SMARCD1: variants seen among roughly 807,000 people sequenced by gnomAD.
The protein encoded by SMARCD1 is SWI/SNF-related matrix-associated actin-dependent regulator of chromatin subfamily D member 1.
In SMARCD1, 16 loss-of-function variants were observed where a neutral mutation model predicts 70.8. That is an observed-to-expected ratio of 0.23 (90% CI 0.15 to 0.34). The LOEUF (loss-of-function observed/expected upper bound fraction) is 0.34. SMARCD1 is among the 10% of genes least tolerant of loss of function. SMARCD1 has a pLI of 1.00. For synonymous variants in SMARCD1, 249 were observed against 246.0 expected (o/e 1.01, Z -0.11); for missense variants, 409 against 655.5 (o/e 0.62, Z 4.11).
At chr12:50,087,019 A>C in intron 4 of SMARCD1, 141 bp downstream of exon 4, 1 of 859,964 alleles carries the variant, frequency 1.2e-6, no homozygotes, top group South Asian at 1.7e-5. Context: ...ACAAACTGAG[A>C]ATTACATTAG....
At position 50,099,042 on chromosome 12, in the gene SMARCD1, T is replaced by G. The variant is rs1243785607; in HGVS notation, c.*42T>G. The G allele has an allele frequency of 3.8e-6, 6 of 1,590,914 alleles. No individual in the cohort carries two copies. The highest frequency in any genetic ancestry group is 5.2e-6 in the Non-Finnish European group (6 of 1,159,168). On this transcript the variant is annotated 3_prime_UTR_variant, in exon 13 of 13. Coordinates refer to ENST00000394963, the MANE Select transcript of SMARCD1 (RefSeq NM_003076.5). Reference sequence around the variant, plus strand: ...CTGATTCGACTGCACCAATTCTTGATTTGGGCCCTGTGCTGCCTGCCTCAT... The same window carrying G: ...CTGATTCGACTGCACCAATTCTTGAGTTGGGCCCTGTGCTGCCTGCCTCAT...
At position 50,096,837 on chromosome 12, in the gene SMARCD1, T is replaced by G. The variant is rs1950897361; in HGVS notation, c.1270-13T>G. On this transcript the variant is annotated splice_polypyrimidine_tract_variant and intron_variant, in intron 10 of 12. Coordinates refer to ENST00000394963, the MANE Select transcript of SMARCD1 (RefSeq NM_003076.5). ...TAGTTTGAAAATGGTATGAGCTTCG[T>G]TCTTCCTTTCAGATCCATGAGACAA... 6.3e-7 allele frequency: 1 copy of G among 1,598,018 alleles called. No individual in the cohort carries two copies. Among genetic ancestry groups the G allele is most frequent in the Admixed American group, 1.7e-5 (1 of 58,438 alleles).
intron 10 of SMARCD1, among the ~76,000 whole-genome samples, chr12:50,095,751 G>A (rs756733387): frequency 6.6e-6 from 1 of 152,202 alleles, no homozygotes; most frequent in Non-Finnish European, 1.5e-5. Context: ...GTCCAGAGAA[G>A]AGAGAGAGAG....
At chr12:50,092,368 C>A (rs549993692) in intron 9 of SMARCD1, among the ~76,000 whole-genome samples, 2 of 149,574 alleles carry the variant, frequency 1.3e-5, no homozygotes, top group African/African-American at 4.9e-5. Flanking sequence ...GGATTACAGG[C>A]GCATGCCACC....
intron 5 of SMARCD1, among the ~76,000 whole-genome samples, chr12:50,087,819 G>A (rs1950805155): frequency 1.3e-5 from 2 of 151,734 alleles, no homozygotes. Flanking sequence ...TTGAGGCTGT[G>A]TTTCCTCTCT....
At chr12:50,091,391 G>A (rs769010659) in intron 9 of SMARCD1, among the ~76,000 whole-genome samples, 1 of 150,976 alleles carries the variant, frequency 6.6e-6, no homozygotes, top group African/African-American at 2.4e-5. Context: ...TTCTCCTGCC[G>A]TAGCCTCCCA....
chr12:50,085,949 T>A (rs577750634), intron 1 of SMARCD1: 1 of 413,416 alleles, frequency 2.4e-6, no homozygotes, highest in East Asian at 3.5e-5. Flanking sequence ...CAAAATAGAC[T>A]GAGAATTTGA....
intron 11 of SMARCD1, 56 bp downstream of exon 11, chr12:50,097,028 T>G: frequency 6.6e-7 from 1 of 1,507,962 alleles, no homozygotes; most frequent in Non-Finnish European, 8.9e-7. Flanking sequence ...GCACAGCTGC[T>G]TTATTCATGT....
chr12:50,094,718 CAAATG>C, intron 10 of SMARCD1, 146 bp downstream of exon 10: 3 of 720,712 alleles, frequency 4.2e-6, no homozygotes, highest in Non-Finnish European at 6.9e-6. Context: ...GAGCCAGACT[CAAATG>C]AATTCTGATT....
intron 1 of SMARCD1, 52 bp downstream of exon 1, chr12:50,085,598 G>A: frequency 9.8e-7 from 1 of 1,021,360 alleles, no homozygotes; most frequent in Non-Finnish European, 1.2e-6. Context: ...GCCGAGCGGG[G>A]ACATGGGAGT....
At chr12:50,098,853 G>A (rs1950915298) in intron 12 of SMARCD1, 38 bp downstream of exon 12, 2 of 1,606,168 alleles carry the variant, frequency 1.2e-6, no homozygotes, top group Non-Finnish European at 1.7e-6. Context: ...TTGACAAAAG[G>A]CACGGGGTTT....
At chr12:50,087,598 G>C in intron 5 of SMARCD1, 113 bp downstream of exon 5, 1 of 1,251,282 alleles carries the variant, frequency 8.0e-7, no homozygotes, top group Non-Finnish European at 1.1e-6. Flanking sequence ...TTTGGGAGCA[G>C]TAAGGAGAGG....
In SMARCD1 at chr12:50,087,397, C is replaced by G. The variant is rs762741274; in HGVS notation, c.566C>G (p.Thr189Ser). The change falls in exon 5 of 13, where the codon ACT becomes AGT. Residue 189 changes from threonine (T) to serine (S), a missense_variant. Around this residue, in one of 2 missense-constraint regions of SMARCD1, gnomAD observed 269 missense variants for 498.6 expected, o/e 0.54. Coordinates refer to ENST00000394963, the MANE Select transcript of SMARCD1 (RefSeq NM_003076.5). ...KRKLRIFISN[T>S]FNPAKSDAED... ...AAGCTGCGAATTTTCATTTCTAACA[C>G]TTTCAATCCGGCTAAGTCAGATGCC... 7 of 1,614,038 alleles carry G rather than the reference C, an allele frequency of 4.3e-6. No homozygotes were observed. The African/African-American group carries it at 8.0e-5, about 18-fold the overall frequency.
chr12:50,088,192 A>G (rs770929853), intron 5 of SMARCD1: 5 of 690,170 alleles, frequency 7.2e-6, no homozygotes, highest in South Asian at 6.0e-5. Context: ...CCTGTGATTC[A>G]TTTCCCCTCT....
At position 50,096,935 on chromosome 12, in the gene SMARCD1, T is replaced by G; in HGVS notation, c.1355T>G (p.Ile452Ser). ...TTTGCCAGAGACCCTCAGGGTTTCA[T>G]CAATGACTGGCTTCAGTCCCAGTGC... ...LSFARDPQGF[I>S]NDWLQSQCRD... Residue 452 changes from isoleucine to serine, a missense_variant, in exon 11 of 13, where the codon ATC becomes AGC. This residue lies in a region of SMARCD1 where 269 missense variants were observed against 498.6 expected (regional missense o/e 0.54). Transcript: ENST00000394963. The G allele has an allele frequency of 6.2e-7, 1 of 1,614,076 alleles. No individual in the cohort carries two copies. Among genetic ancestry groups the G allele is most frequent in the Non-Finnish European group, 8.5e-7 (1 of 1,179,950 alleles).
chr12:50,097,167 T>C (rs1950899708), intron 11 of SMARCD1, among the ~76,000 whole-genome samples, 195 bp downstream of exon 11: 1 of 152,208 alleles, frequency 6.6e-6, no homozygotes, highest in Non-Finnish European at 1.5e-5. Flanking sequence ...AGTGCTTACT[T>C]TGTCTGTCAC....
At position 50,087,013 on chromosome 12, in the gene SMARCD1, A is replaced by C. The variant is rs865991583; in HGVS notation, c.531+135A>C. Reference sequence around the variant, plus strand: ...TTGCATCTCTCCCTTCCGCCTACAAACTGAGAATTACATTAGGAGGATAAG... The same window carrying C: ...TTGCATCTCTCCCTTCCGCCTACAACCTGAGAATTACATTAGGAGGATAAG... On this transcript the variant is annotated intron_variant, in intron 4 of 12. Coordinates refer to ENST00000394963, the MANE Select transcript of SMARCD1 (RefSeq NM_003076.5). The C allele has an allele frequency of 7.1e-5, 63 of 881,360 alleles. 1 individual carries two copies. The South Asian group carries it at 9.7e-4, about 14-fold the overall frequency. 54.6% of individuals were successfully genotyped at this position (881,360 alleles called of 1,614,324 possible).
At chr12:50,089,835 C>T (rs767891173) in intron 6 of SMARCD1, 49 bp from the exon 7 acceptor site, 57 of 1,349,634 alleles carry the variant, frequency 4.2e-5, no homozygotes, top group Non-Finnish European at 5.8e-5. Flanking sequence ...TCCCTCCCAC[C>T]CCAGCTCTTC....
intron 5 of SMARCD1, chr12:50,088,168 C>G: frequency 4.4e-6 from 3 of 681,402 alleles, no homozygotes; most frequent in Non-Finnish European, 5.4e-6. Context: ...TGTTTTTGTT[C>G]TGGCTGCTTA....
Sources: allele counts gnomAD v4.1 joint callset (sites outside exome capture counted in the v4.1 genomes callset), GRCh38; gene constraint gnomAD v4.1.1; regional missense constraint gnomAD v4.1.1; transcripts MANE v1.5; gene names NCBI Gene and HGNC (gene_info 2026-07-23, HGNC 2026-07-21).